The following KIAA0825 variants were observed in gnomAD, a reference collection of about 807,000 sequenced individuals.
KIAA0825 encodes the protein uncharacterized protein KIAA0825.
A neutral mutation model predicts 147.6 loss-of-function variants in KIAA0825; 119 were observed. That is an observed-to-expected ratio of 0.81 (90% confidence interval 0.69 to 0.94). KIAA0825 has a LOEUF of 0.94. KIAA0825 is among the 40% of genes least tolerant of loss of function. The pLI is 0.00. For missense variants in KIAA0825, 1,381 were observed against 1,472.7 expected, an observed-to-expected ratio of 0.94 and a Z score of 1.02; for synonymous variants, 470 against 518.1, an observed-to-expected ratio of 0.91 and a Z score of 1.26.
intron 20 of KIAA0825, among the ~76,000 whole-genome samples, chr5:94,239,044 T>G (rs1775213812): frequency 6.6e-6 from 1 of 152,218 alleles, no homozygotes; most frequent in Non-Finnish European, 1.5e-5. Context: ...GTATTCCTTT[T>G]GTGTATGTAA....
intron 20 of KIAA0825, among the ~76,000 whole-genome samples, chr5:94,348,519 G>A (rs1269884867): frequency 1.3e-5 from 2 of 152,146 alleles, no homozygotes; most frequent in African/African-American, 4.8e-5. Flanking sequence ...ACAATTCTCA[G>A]CCAAGAATTT....
intron 2 of KIAA0825, among the ~76,000 whole-genome samples, chr5:94,581,492 C>T (rs866243735): frequency 2.0e-5 from 3 of 152,012 alleles, no homozygotes; most frequent in African/African-American, 7.2e-5. Flanking sequence ...GGTTGTGACA[C>T]CAACCAAAAC....
Position 94,459,428 on chromosome 5 carries a change from A to G in KIAA0825, c.2246+2959T>C, listed in dbSNP as rs538397750. Among the ~76,000 whole-genome samples the G allele has an allele frequency of 3.9e-5, 6 of 152,244 alleles. No homozygotes were observed. The South Asian group carries it at 1.2e-3, about 32-fold the overall frequency. On this transcript the variant is annotated intron_variant, in intron 12 of 20. Coordinates refer to ENST00000682413, the MANE Select transcript of KIAA0825 (RefSeq NM_001145678.3). ...CATTTTGGGGACCTGCCTATTTTCCAAGGTGTGCCAGTCACTCCTGAGGTA... is the reference window on the plus strand; with the variant it reads ...CATTTTGGGGACCTGCCTATTTTCCGAGGTGTGCCAGTCACTCCTGAGGTA...
In KIAA0825 at chr5:94,198,616, G is replaced by T. The variant is rs372804982; in HGVS notation, c.3711-44492C>A. Among the ~76,000 whole-genome samples, 9 of 152,154 alleles carry T rather than the reference G, an allele frequency of 5.9e-5. No individual in the cohort carries two copies. The East Asian group carries it at 1.7e-3, about 30-fold the overall frequency. ...CCTGTCAGGGGGTGGGAGGCAAGGG[G>T]ATGGAGAGCATTAGGACAAATACCT... On this transcript the variant is annotated intron_variant, in intron 20 of 20. Coordinates refer to ENST00000682413, the MANE Select transcript of KIAA0825 (RefSeq NM_001145678.3).
intron 20 of KIAA0825, among the ~76,000 whole-genome samples, chr5:94,202,541 G>T (rs1771793833): frequency 6.6e-6 from 1 of 152,146 alleles, no homozygotes; most frequent in Non-Finnish European, 1.5e-5. Context: ...AATGCTTTAT[G>T]GTTCTGACTG....
At chr5:94,262,465 A>T (rs1776544676) in intron 20 of KIAA0825, among the ~76,000 whole-genome samples, 1 of 152,230 alleles carries the variant, frequency 6.6e-6, no homozygotes, top group Non-Finnish European at 1.5e-5. Flanking sequence ...AAATATTAGT[A>T]TACCTACACA....
intron 13 of KIAA0825, among the ~76,000 whole-genome samples, chr5:94,446,176 G>C (rs1757700136): frequency 6.6e-6 from 1 of 152,158 alleles, no homozygotes; most frequent in Non-Finnish European, 1.5e-5. Flanking sequence ...ATAGCACTTA[G>C]GGGACACAAT....
At chr5:94,393,831 A>T (rs1227212167) in intron 17 of KIAA0825, among the ~76,000 whole-genome samples, 1 of 151,594 alleles carries the variant, frequency 6.6e-6, no homozygotes, top group Non-Finnish European at 1.5e-5. Flanking sequence ...TTTGAAATCA[A>T]AGTCAAGAAG....
chr5:94,255,707 C>CTTTTTTTTTT (rs57646287), intron 20 of KIAA0825, among the ~76,000 whole-genome samples: 3 of 47,818 alleles, frequency 6.3e-5, no homozygotes, highest in Non-Finnish European at 1.1e-4. Flanking sequence ...AGAATTATGG[C>CTTTTTTTTTT]TTTTTTTTTT....
At chr5:94,505,508 C>T (rs1460922172) in intron 5 of KIAA0825, among the ~76,000 whole-genome samples, 4 of 152,076 alleles carry the variant, frequency 2.6e-5, no homozygotes, top group Non-Finnish European at 5.9e-5. Flanking sequence ...AGCCCCCCTA[C>T]ACCACCAATA....
intron 17 of KIAA0825, among the ~76,000 whole-genome samples, chr5:94,392,868 T>C (rs1221736096): frequency 6.6e-6 from 1 of 152,080 alleles, no homozygotes; most frequent in Non-Finnish European, 1.5e-5. Context: ...ATAAAGAAAA[T>C]CCTACTTTGA....
chr5:94,189,015 C>T (rs1770419278), intron 20 of KIAA0825, among the ~76,000 whole-genome samples: 1 of 152,116 alleles, frequency 6.6e-6, no homozygotes, highest in African/African-American at 2.4e-5. Flanking sequence ...TTACGTTTCC[C>T]TGAGATAACT....
chr5:94,579,341 T>C (rs549283147), intron 2 of KIAA0825, among the ~76,000 whole-genome samples: 7 of 152,214 alleles, frequency 4.6e-5, no homozygotes, highest in Non-Finnish European at 8.8e-5. Flanking sequence ...CAAGATTACA[T>C]GGGATAATCC....
At position 94,541,158 on chromosome 5, in the gene KIAA0825, T is replaced by C. The variant is rs532296607; in HGVS notation, c.-1-4031A>G. 3.3e-5 allele frequency among the ~76,000 whole-genome samples: 5 copies of C among 152,318 alleles called. No homozygotes were observed. The East Asian group carries it at 9.6e-4, about 29-fold the overall frequency. Reference sequence around the variant, plus strand: ...ATAAAATGTCACTATGACTCTTAACTGTACAACTTGCCTGTTTTACAGCTA... The same window carrying C: ...ATAAAATGTCACTATGACTCTTAACCGTACAACTTGCCTGTTTTACAGCTA... On this transcript the variant is annotated intron_variant, in intron 2 of 20. Coordinates refer to ENST00000682413, the MANE Select transcript of KIAA0825 (RefSeq NM_001145678.3).
rs1021148598 is a variant in KIAA0825, at chr5:94,552,413, A to G, written c.-1-15286T>C. Among the ~76,000 whole-genome samples, 7 of 152,302 alleles carry G rather than the reference A, an allele frequency of 4.6e-5. No individual in the cohort carries two copies. In the East Asian group the frequency reaches 1.3e-3, roughly 29 times the overall value. On this transcript the variant is annotated intron_variant, in intron 2 of 20. Transcript: ENST00000682413. ...GGATTTAAACAGACAAAATAGACCT[A>G]ATAGATATGTACAGAAAATCCCACT...
intron 20 of KIAA0825, among the ~76,000 whole-genome samples, chr5:94,197,910 T>C (rs1420947271): frequency 2.6e-5 from 4 of 152,218 alleles, no homozygotes; most frequent in Non-Finnish European, 5.9e-5. Context: ...GTGTGAAGCC[T>C]CTGGCTTTGT....
At chr5:94,219,845 G>T (rs1171247312) in intron 20 of KIAA0825, among the ~76,000 whole-genome samples, 1 of 152,190 alleles carries the variant, frequency 6.6e-6, no homozygotes, top group Non-Finnish European at 1.5e-5. Flanking sequence ...GCCAGTGAGT[G>T]AGTGGTGAAT....
chr5:94,603,299 C>G (rs1435698483), intron 1 of KIAA0825, among the ~76,000 whole-genome samples: 2 of 152,122 alleles, frequency 1.3e-5, no homozygotes, highest in East Asian at 3.8e-4. Flanking sequence ...GCAATTCCAA[C>G]CCAGAATTTT....
intron 1 of KIAA0825, chr5:94,593,639 T>G: frequency 2.2e-6 from 1 of 459,772 alleles, no homozygotes; most frequent in South Asian, 2.4e-5. Context: ...CTGGTAGTGT[T>G]GGGAACAATG....
Sources: allele counts gnomAD v4.1 joint callset (sites outside exome capture counted in the v4.1 genomes callset), GRCh38; gene constraint gnomAD v4.1.1; transcripts MANE v1.5; gene names NCBI Gene and HGNC (gene_info 2026-07-23, HGNC 2026-07-21).